ASB4: variants seen among roughly 807,000 people sequenced by gnomAD.
ASB4 encodes ankyrin repeat and SOCS box containing 4.
In ASB4, 35 loss-of-function variants were observed where a neutral mutation model predicts 38.6. That is an observed-to-expected ratio of 0.91 (90% CI 0.69 to 1.20). The LOEUF (loss-of-function observed/expected upper bound fraction) is 1.20. Ranked by LOEUF, ASB4 falls within the 50% of genes most tolerant of loss-of-function variation. ASB4 has a pLI of 0.00. For missense variants in ASB4, 557 were observed against 527.2 expected (o/e 1.06, Z -0.55); for synonymous variants, 195 against 201.3 (o/e 0.97, Z 0.26).
chr7:95,518,110 GT>G (rs915834650), intron 2 of ASB4, among the ~76,000 whole-genome samples: 1 of 152,122 alleles, frequency 6.6e-6, no homozygotes, highest in African/African-American at 2.4e-5. Flanking sequence ...ATTTCTGTTT[GT>G]TTTACCAAAA....
At chr7:95,476,641 C>T (rs1229941688), upstream of ASB4, among the ~76,000 whole-genome samples, 1 of 152,158 alleles carries the variant, frequency 6.6e-6, no homozygotes, top group Non-Finnish European at 1.5e-5. Context: ...CCATCTGTGG[C>T]TTCACGCCTT....
Position 95,536,521 on chromosome 7 carries a change from A to G in ASB4, c.1063A>G (p.Arg355Gly), listed in dbSNP as rs1170264849. The change falls in exon 4 of 5, where the codon AGA (arginine) becomes GGA (glycine). Residue 355 changes from arginine (R) to glycine (G), a missense_variant. Arg to Gly is a moderately radical substitution (Grantham distance 125). Transcript: ENST00000325885. ...YEHIRWNTKW[R>G]RAIPDDDLEK... The stretch of plus-strand genomic sequence containing the variant: ...ACACATCAGATGGAACACAAAGTGG[A>G]GAAGAGCTATCCCCGATGATGACTT... 3.1e-6 allele frequency: 5 copies of G among 1,612,154 alleles called. No homozygotes were observed. The highest frequency in any genetic ancestry group is 4.2e-6 in the Non-Finnish European group (5 of 1,178,318).
intron 2 of ASB4, among the ~76,000 whole-genome samples, chr7:95,503,337 TA>T (rs1790366269): frequency 6.6e-6 from 1 of 152,220 alleles, no homozygotes. Context: ...ACCTGGAAAC[TA>T]AAAGACTGTG....
upstream of ASB4, among the ~76,000 whole-genome samples, chr7:95,484,312 C>G (rs528053262): frequency 5.3e-5 from 8 of 152,138 alleles, no homozygotes; most frequent in African/African-American, 1.9e-4. Context: ...AGTCTGGTGA[C>G]AGAGTGAGAT....
At chr7:95,477,420 T>C (rs1789986975), upstream of ASB4, among the ~76,000 whole-genome samples, 1 of 152,224 alleles carries the variant, frequency 6.6e-6, no homozygotes, top group African/African-American at 2.4e-5. Flanking sequence ...AATTGAACAT[T>C]GCTCATTTTA....
intron 2 of ASB4, among the ~76,000 whole-genome samples, chr7:95,515,813 C>G (rs1388021193): frequency 1.3e-5 from 2 of 152,322 alleles, no homozygotes; most frequent in East Asian, 3.9e-4. Context: ...GCTGGCTGCT[C>G]CAGAGATGGG....
At chr7:95,510,579 A>G (rs12154697) in intron 2 of ASB4, among the ~76,000 whole-genome samples, 35,046 of 152,084 alleles carry the variant, frequency 0.23, 4,062 homozygotes, top group Middle Eastern at 0.36. Context: ...TTCTCCAAAC[A>G]CTAATTGTTT....
chr7:95,503,900 G>A (rs1234479938), intron 2 of ASB4, among the ~76,000 whole-genome samples: 1 of 152,078 alleles, frequency 6.6e-6, no homozygotes, highest in Non-Finnish European at 1.5e-5. Flanking sequence ...TATTTTTTCA[G>A]TGTTGCAGAG....
intron 1 of ASB4, among the ~76,000 whole-genome samples, chr7:95,487,441 G>A (rs1028121373): frequency 6.6e-6 from 1 of 152,126 alleles, no homozygotes; most frequent in Non-Finnish European, 1.5e-5. Context: ...GCTTATATTT[G>A]TGCCTAGGGT....
In ASB4 at chr7:95,537,787, T is replaced by C; in HGVS notation, c.*28T>C. On this transcript the variant is annotated 3_prime_UTR_variant, in exon 5 of 5. Transcript: ENST00000325885. ...CTTATGAGACAGCAGTTCCCAATCC[T>C]AGGTATTTAAGTGGACTTGCTGGGT... 6.3e-7 allele frequency: 1 copy of C among 1,593,326 alleles called. No individual in the cohort carries two copies. The highest frequency in any genetic ancestry group is 8.6e-7 in the Non-Finnish European group (1 of 1,165,818).
At chr7:95,545,831 A>G in the ASB4 span, among the ~76,000 whole-genome samples, 12 of 152,180 alleles carry the variant, frequency 7.9e-5, no homozygotes, top group African/African-American at 2.4e-4. Context: ...TGAGATATGC[A>G]TGTTTCTGCC....
chr7:95,474,590 C>T (rs181034573), upstream of ASB4, among the ~76,000 whole-genome samples: 154 of 152,212 alleles, frequency 1.0e-3, no homozygotes, highest in Non-Finnish European at 1.7e-3. Context: ...GGTGCAATCA[C>T]GGCTCACTGC....
chr7:95,472,358 C>G, the ASB4 span, among the ~76,000 whole-genome samples: 3 of 152,102 alleles, frequency 2.0e-5, no homozygotes, highest in South Asian at 2.1e-4. Flanking sequence ...TTGAAAATCT[C>G]AATACTATTT....
At chr7:95,480,582 A>G (rs1343263643) in intron 1 of ASB4, among the ~76,000 whole-genome samples, 1 of 152,188 alleles carries the variant, frequency 6.6e-6, no homozygotes, top group East Asian at 1.9e-4. Context: ...TTGTGAGGAT[A>G]CTCAAGCAGC....
the ASB4 span, among the ~76,000 whole-genome samples, chr7:95,470,824 C>G: frequency 6.6e-6 from 1 of 152,160 alleles, no homozygotes; most frequent in African/African-American, 2.4e-5. Context: ...TTCTTTTTTC[C>G]CCCCATTAGG....
chr7:95,477,579 G>A (rs1010036845), upstream of ASB4, among the ~76,000 whole-genome samples: 2 of 152,262 alleles, frequency 1.3e-5, no homozygotes, highest in South Asian at 4.1e-4. Context: ...GAAAGGCAGC[G>A]TTGTGTAGTT....
In ASB4 at chr7:95,529,763, C is replaced by T. The variant is rs1790793729; in HGVS notation, c.978+1460C>T. On this transcript the variant is annotated intron_variant, in intron 3 of 4. Coordinates refer to ENST00000325885, the MANE Select transcript of ASB4 (RefSeq NM_016116.3). ...TACAGTAACTGTCCTGTGTTGAGCT[C>T]TAAATAGGTTTTATACAGACTATTT... Among the ~76,000 whole-genome samples the T allele has an allele frequency of 2.0e-5, 3 of 152,140 alleles. No individual in the cohort carries two copies. In the South Asian group the frequency reaches 6.2e-4, roughly 32 times the overall value.
At chr7:95,478,104 C>T (rs886565898), upstream of ASB4, among the ~76,000 whole-genome samples, 11 of 152,162 alleles carry the variant, frequency 7.2e-5, no homozygotes, top group Non-Finnish European at 1.5e-4. Flanking sequence ...AATTTCTTTA[C>T]CCCTTAAAAG....
chr7:95,507,214 T>C lies in ASB4; in HGVS notation c.487+11157T>C, dbSNP rs764957710. 5.9e-5 allele frequency among the ~76,000 whole-genome samples: 9 copies of C among 152,038 alleles called. 1 individual carries two copies. The South Asian group carries it at 8.3e-4, about 14-fold the overall frequency. ...GAGGAATCTCTGACATAGTCTCTTA[T>C]GAATTTTTTTTTCCTTGAGATTGGT... is the stretch of plus-strand genomic sequence containing the variant. On this transcript the variant is annotated intron_variant, in intron 2 of 4. Transcript: ENST00000325885.
Sources: allele counts gnomAD v4.1 joint callset (sites outside exome capture counted in the v4.1 genomes callset), GRCh38; gene constraint gnomAD v4.1.1; transcripts MANE v1.5; gene names NCBI Gene and HGNC (gene_info 2026-07-23, HGNC 2026-07-21).